The following EPAS1 variants were observed in gnomAD, a reference collection of about 807,000 sequenced individuals.
EPAS1 encodes endothelial PAS domain protein 1.
EPAS1 carries 23 observed loss-of-function variants against 87.9 expected under a neutral mutation model. The observed-to-expected ratio is 0.26, with a 90% confidence interval of 0.19 to 0.37. The LOEUF is 0.37. Ranked by LOEUF, EPAS1 falls within the 10% of genes least tolerant of loss-of-function variation. The pLI is 1.00. For synonymous variants in EPAS1, 508 were observed against 444.3 expected, an observed-to-expected ratio of 1.14 and a Z score of -1.80; for missense variants, 1,138 against 1,120.7, an observed-to-expected ratio of 1.02 and a Z score of -0.22.
rs6754004 is a variant in EPAS1, at chr2:46,329,981, T to C, written c.27-16892T>C. On this transcript the variant is annotated intron_variant, in intron 1 of 15. Coordinates refer to ENST00000263734, the MANE Select transcript of EPAS1 (RefSeq NM_001430.5). ...AGAAGTTCACTTATAGGCATTGAGA[T>C]GAATCATTCACAGAATGACTTAAAT... is the stretch of plus-strand genomic sequence containing the variant. Among the ~76,000 whole-genome samples, 1,025 of 152,356 alleles carry C rather than the reference T, an allele frequency of 6.7e-3. 14 individuals are homozygous for C. Among genetic ancestry groups the C allele is most frequent in the African/African-American group, 0.024 (987 of 41,582 alleles).
At chr2:46,303,083 AAAAG>A (rs1683043818) in intron 1 of EPAS1, among the ~76,000 whole-genome samples, 1 of 152,128 alleles carries the variant, frequency 6.6e-6, no homozygotes, top group African/African-American at 2.4e-5. Context: ...AGAAAGAAAG[AAAAG>A]AAAGAAAATA....
At position 46,382,554 on chromosome 2, in the gene EPAS1, C is replaced by G. The variant is rs748194018; in HGVS notation, c.2417C>G (p.Thr806Ser). The change falls in exon 15 of 16, where the codon ACC (threonine) becomes AGC (serine). Residue 806 changes from threonine to serine, a missense_variant. Physicochemically the swap from Thr to Ser is moderately conservative, Grantham distance 58. Around this residue, in one of 4 missense-constraint regions of EPAS1, gnomAD observed 502 missense variants for 427.1 expected, o/e 1.18. Coordinates refer to ENST00000263734, the MANE Select transcript of EPAS1 (RefSeq NM_001430.5). ...AGGTTCCCCCCACAGTGCTACGCCA[C>G]CCAGTACCAGGACTACAGCCTGTCG... ...KSRFPPQCYA[T>S]QYQDYSLSSA... 5 of 1,614,162 alleles carry G rather than the reference C, an allele frequency of 3.1e-6. No individual in the cohort carries two copies. In the East Asian group the frequency reaches 1.1e-4, roughly 36 times the overall value.
Position 46,360,807 on chromosome 2 carries a change from G to C in EPAS1, c.573+51G>C, listed in dbSNP as rs746371612. The C allele has an allele frequency of 6.2e-7, 1 of 1,612,226 alleles. No homozygotes were observed. Among genetic ancestry groups the C allele is most frequent in the South Asian group, 1.1e-5 (1 of 91,030 alleles). On this transcript the variant is annotated intron_variant, in intron 5 of 15. Coordinates refer to ENST00000263734, the MANE Select transcript of EPAS1 (RefSeq NM_001430.5). This position sits in a 1 kb window ranked among gnomAD's most constrained non-coding sequence, Gnocchi z 4.5. ...GAGTCCCAGGTGTAGGGTAACGGCG[G>C]TGCAGGGGATGCCTAAGGCCCTACC...
In EPAS1 at chr2:46,385,254, A is replaced by C. The variant is rs886056093; in HGVS notation, c.*594A>C. 3 of 153,308 alleles carry C rather than the reference A, an allele frequency of 2.0e-5. No homozygotes were observed. The highest frequency in any genetic ancestry group is 7.3e-5 in the African/African-American group (3 of 41,318). 9.5% of individuals were successfully genotyped at this position (153,308 alleles called of 1,614,324 possible). On this transcript the variant is annotated 3_prime_UTR_variant, in exon 16 of 16. Coordinates refer to ENST00000263734, the MANE Select transcript of EPAS1 (RefSeq NM_001430.5). ...GGAAAAAAAGAAATGTGAAGGGTCA[A>C]CTCCAACGTATGTGGTTATCTGTGA... is the stretch of plus-strand genomic sequence containing the variant.
chr2:46,325,342 C>T (rs1025179964), intron 1 of EPAS1, among the ~76,000 whole-genome samples: 3 of 152,178 alleles, frequency 2.0e-5, no homozygotes, highest in African/African-American at 7.2e-5. Context: ...GGAGCAAGAA[C>T]ATACAAAAGA....
Position 46,297,854 on chromosome 2 carries a change from C to T in EPAS1, c.-58C>T, listed in dbSNP as rs549684527. ...GGAGCGGACGAGGGCCACAGCCCCCCACCCGCCAGGGAGCCCAGGTGCTCG... is the reference window on the plus strand; with the variant it reads ...GGAGCGGACGAGGGCCACAGCCCCCTACCCGCCAGGGAGCCCAGGTGCTCG... On this transcript the variant is annotated 5_prime_UTR_variant, in exon 1 of 16. Coordinates refer to ENST00000263734, the MANE Select transcript of EPAS1 (RefSeq NM_001430.5). The T allele has an allele frequency of 1.3e-6, 2 of 1,590,086 alleles. No individual in the cohort carries two copies. Among genetic ancestry groups the T allele is most frequent in the Non-Finnish European group, 1.7e-6 (2 of 1,168,946 alleles).
rs532899757 is a variant in EPAS1, at chr2:46,314,885, G to A, written c.26+16948G>A. 6.6e-5 allele frequency among the ~76,000 whole-genome samples: 10 copies of A among 152,306 alleles called. No individual in the cohort carries two copies. The East Asian group carries it at 1.5e-3, about 24-fold the overall frequency. ...TCAAGAAGGAGGTGGGCTGGGGTACGAGAAGGTGGGCTGCCCAGTGGTTTC... is the reference window on the plus strand; with the variant it reads ...TCAAGAAGGAGGTGGGCTGGGGTACAAGAAGGTGGGCTGCCCAGTGGTTTC... On this transcript the variant is annotated intron_variant, in intron 1 of 15. Transcript: ENST00000263734.
chr2:46,365,355 T>A (rs778456485), intron 6 of EPAS1, among the ~76,000 whole-genome samples: 5 of 152,228 alleles, frequency 3.3e-5, no homozygotes, highest in Non-Finnish European at 7.3e-5. Flanking sequence ...TTAGGGAACA[T>A]AGGACATATT....
In EPAS1 at chr2:46,346,042, T is replaced by C. The variant is rs1684016871; in HGVS notation, c.27-831T>C. Among the ~76,000 whole-genome samples the C allele has an allele frequency of 6.6e-6, 1 of 152,206 alleles. No individual in the cohort carries two copies. Among genetic ancestry groups the C allele is most frequent in the Non-Finnish European group, 1.5e-5 (1 of 68,042 alleles). ...ACAAGCAGAGAAGTTAGAACTCCAA[T>C]CTAAACATTCTGGCTTTTAAATATT... On this transcript the variant is annotated intron_variant, in intron 1 of 15. Transcript: ENST00000263734. The surrounding 1 kb of genome is among the most constrained non-coding windows in gnomAD (Gnocchi z 4.0).
intron 1 of EPAS1, among the ~76,000 whole-genome samples, chr2:46,308,470 G>GGGT (rs1470240476): frequency 7.5e-6 from 1 of 132,704 alleles, no homozygotes; most frequent in Non-Finnish European, 1.6e-5. Flanking sequence ...TGGGGGGGGG[G>GGGT]GCTCTGAAAT....
chr2:46,383,518 G>A (rs1684946789), intron 15 of EPAS1, among the ~76,000 whole-genome samples: 2 of 152,212 alleles, frequency 1.3e-5, no homozygotes, highest in Admixed American at 1.3e-4. Context: ...ATAGTTCTGT[G>A]CTTCAGAGTC....
intron 4 of EPAS1, among the ~76,000 whole-genome samples, chr2:46,359,042 C>G (rs149926356): frequency 6.6e-6 from 1 of 151,880 alleles, no homozygotes; most frequent in African/African-American, 2.4e-5. Context: ...GGGTGGATCA[C>G]GAGATCAAGA....
At chr2:46,379,905 ACT>A (rs1163097629) in intron 11 of EPAS1, 6 of 450,536 alleles carry the variant, frequency 1.3e-5, no homozygotes, top group African/African-American at 4.0e-5. Context: ...GGCAGGGCTG[ACT>A]CTGTGGAAGA....
chr2:46,305,175 T>G (rs1025651853), intron 1 of EPAS1, among the ~76,000 whole-genome samples: 2 of 152,316 alleles, frequency 1.3e-5, no homozygotes, highest in Admixed American at 1.3e-4. Context: ...CCTTGTCTGT[T>G]CCCACTGTTG....
chr2:46,358,128 C>T (rs750314868), intron 4 of EPAS1, among the ~76,000 whole-genome samples: 37 of 152,340 alleles, frequency 2.4e-4, no homozygotes, highest in South Asian at 8.3e-4. Flanking sequence ...TTACCACACA[C>T]GCTGCAAAAA....
chr2:46,311,698 G>T (rs1188490757), intron 1 of EPAS1, among the ~76,000 whole-genome samples: 3 of 152,102 alleles, frequency 2.0e-5, no homozygotes, highest in Admixed American at 2.0e-4. Flanking sequence ...CCTTTTTAAA[G>T]TAAAACATCC....
intron 1 of EPAS1, among the ~76,000 whole-genome samples, chr2:46,308,345 C>T: frequency 6.6e-6 from 1 of 151,598 alleles, no homozygotes. Flanking sequence ...GCTTATATTT[C>T]CTTGTTATCT....
At chr2:46,341,504 A>G (rs964907761) in intron 1 of EPAS1, among the ~76,000 whole-genome samples, 1 of 152,190 alleles carries the variant, frequency 6.6e-6, no homozygotes, top group African/African-American at 2.4e-5. Flanking sequence ...TGTGGCATCT[A>G]TTTCACATGT....
intron 7 of EPAS1, among the ~76,000 whole-genome samples, chr2:46,372,891 A>G (rs116611511): frequency 0.015 from 2,353 of 152,368 alleles, 63 homozygotes; most frequent in African/African-American, 0.052. Flanking sequence ...ATTTTACTGC[A>G]GCAGAGGAGC....
Sources: gnomAD v4.1 joint callset for allele counts (sites outside exome capture counted in the v4.1 genomes callset) on GRCh38, gnomAD v4.1.1 for gene constraint, gnomAD v4.1.1 regional missense constraint, Gnocchi (gnomAD v3.1) non-coding constraint, MANE v1.5 for transcripts, NCBI Gene and HGNC (gene_info 2026-07-23, HGNC 2026-07-21) for gene names.